The following GIPC2 variants were observed in gnomAD, a reference collection of about 807,000 sequenced individuals.
The protein encoded by GIPC2 is GIPC PDZ domain containing family member 2.
Under a neutral mutation model 30.6 loss-of-function variants are expected in GIPC2, and 30 were observed. The observed-to-expected ratio is 0.98, with a 90% CI of 0.73 to 1.33. GIPC2 has a LOEUF of 1.33. Among genes scored for constraint, GIPC2 ranks in the 40% most tolerant of loss-of-function variants. The probability of loss-of-function intolerance (pLI) is 0.00; values close to 1 mark genes in which losing one functional copy is unlikely to be tolerated. For missense variants in GIPC2, 414 were observed against 390.3 expected (o/e 1.06, Z -0.51); for synonymous variants, 167 against 150.0 (o/e 1.11, Z -0.83).
At chr1:78,115,122 C>T (rs1662544368) in intron 3 of GIPC2, among the ~76,000 whole-genome samples, 1 of 152,172 alleles carries the variant, frequency 6.6e-6, no homozygotes, top group Admixed American at 6.5e-5. Flanking sequence ...TGAAGCCCCA[C>T]ACTCCAGAGG....
At chr1:78,049,893 C>CTT (rs35263483) in intron 1 of GIPC2, among the ~76,000 whole-genome samples, 26,466 of 98,206 alleles carry the variant, frequency 0.27, 3,664 homozygotes, top group East Asian at 0.49. Context: ...AGAAAAACCT[C>CTT]TTTTTTTTTT....
chr1:78,065,661 A>T (rs11162411), intron 1 of GIPC2, among the ~76,000 whole-genome samples: 83,640 of 152,036 alleles, frequency 0.55, 23,553 homozygotes, highest in South Asian at 0.63. Context: ...CTATAGGGCT[A>T]TAGTAACCAA....
In GIPC2 at chr1:78,046,146, G is replaced by C; in HGVS notation, c.52G>C (p.Gly18Arg). 6.5e-7 allele frequency: 1 copy of C among 1,538,720 alleles called. No homozygotes were observed. Among genetic ancestry groups the C allele is most frequent in the Non-Finnish European group, 8.7e-7 (1 of 1,145,522 alleles). The change falls in exon 1 of 6, where the codon GGG becomes CGG. Residue 18 changes from glycine (G) to arginine (R), a missense_variant. Transcript: ENST00000370759. ...GAAGGCCAAGTCCAAGGAGACCGCC[G>C]GGCTGGTGGAGGGCGAGCCGACGGG... is the stretch of plus-strand genomic sequence containing the variant. ...KKKAKSKETAGLVEGEPTGAG... is the reference protein window; with the variant it reads ...KKKAKSKETARLVEGEPTGAG...
At chr1:78,086,056 A>G (rs1661923388) in intron 2 of GIPC2, among the ~76,000 whole-genome samples, 1 of 152,108 alleles carries the variant, frequency 6.6e-6, no homozygotes, top group Non-Finnish European at 1.5e-5. Flanking sequence ...TAATGTGGGC[A>G]TTATAGTGCT....
At chr1:78,093,666 G>A (rs1662084227) in intron 2 of GIPC2, among the ~76,000 whole-genome samples, 1 of 152,152 alleles carries the variant, frequency 6.6e-6, no homozygotes, top group Admixed American at 6.5e-5. Flanking sequence ...TGGACACAAT[G>A]ATCAATCACC....
At chr1:78,120,283 G>C (rs753639907) in intron 4 of GIPC2, among the ~76,000 whole-genome samples, 2 of 152,088 alleles carry the variant, frequency 1.3e-5, no homozygotes, top group Non-Finnish European at 2.9e-5. Flanking sequence ...CAGTCATGCT[G>C]ATCTCCTTGC....
intron 1 of GIPC2, among the ~76,000 whole-genome samples, chr1:78,058,738 T>G (rs987919841): frequency 1.3e-5 from 2 of 152,212 alleles, no homozygotes; most frequent in African/African-American, 4.8e-5. Flanking sequence ...ATCTTGGTGT[T>G]TATTATTCCC....
intron 3 of GIPC2, among the ~76,000 whole-genome samples, chr1:78,114,663 GGAGGAGCTCA>G (rs1662536013): frequency 6.6e-6 from 1 of 152,114 alleles, no homozygotes; most frequent in Non-Finnish European, 1.5e-5. Context: ...GGGATGTATA[GGAGGAGCTCA>G]GAGGATTTTT....
chr1:78,104,940 C>T (rs1030340304), intron 3 of GIPC2, among the ~76,000 whole-genome samples: 3 of 152,142 alleles, frequency 2.0e-5, no homozygotes, highest in Admixed American at 2.0e-4. Context: ...AGAGTTTTTC[C>T]TGGCCTCTTC....
chr1:78,112,497 G>T (rs1000461405), intron 3 of GIPC2: 1 of 518,842 alleles, frequency 1.9e-6, no homozygotes, highest in Non-Finnish European at 3.8e-6. Context: ...TGAAATTATG[G>T]TCTCTGCCCA....
At chr1:78,116,820 G>A (rs809911) in intron 3 of GIPC2, among the ~76,000 whole-genome samples, 25,871 of 152,110 alleles carry the variant, frequency 0.17, 2,547 homozygotes, top group East Asian at 0.49. Context: ...AAACATACAT[G>A]TGCATGTGTC....
chr1:78,084,669 T>C (rs1444162827), intron 2 of GIPC2, among the ~76,000 whole-genome samples: 1 of 152,222 alleles, frequency 6.6e-6, no homozygotes, highest in Non-Finnish European at 1.5e-5. Flanking sequence ...GTTAGCTGTA[T>C]TCCTAGGTAT....
At chr1:78,130,770 G>C (rs1662878633) in intron 5 of GIPC2, among the ~76,000 whole-genome samples, 1 of 152,086 alleles carries the variant, frequency 6.6e-6, no homozygotes, top group Non-Finnish European at 1.5e-5. Flanking sequence ...ATTTAATTCT[G>C]AAACTTTGAT....
At position 78,067,973 on chromosome 1, in the gene GIPC2, C is replaced by T. The variant is rs376990242; in HGVS notation, c.241-12702C>T. Among the ~76,000 whole-genome samples, 11 of 152,192 alleles carry T rather than the reference C, an allele frequency of 7.2e-5. No homozygotes were observed. In the East Asian group the frequency reaches 1.4e-3, roughly 19 times the overall value. On this transcript the variant is annotated intron_variant, in intron 1 of 5. Coordinates refer to ENST00000370759, the MANE Select transcript of GIPC2 (RefSeq NM_017655.6). ...ATGGATTATTTTATAGTAACTAGCCCGGACTCTTCTGATGAGGGCTCTTTC... is the reference window on the plus strand; with the variant it reads ...ATGGATTATTTTATAGTAACTAGCCTGGACTCTTCTGATGAGGGCTCTTTC...
chr1:78,116,433 G>T (rs56688871), intron 3 of GIPC2, among the ~76,000 whole-genome samples: 2,166 of 152,206 alleles, frequency 0.014, 59 homozygotes, highest in African/African-American at 0.05. Context: ...GTATACATGT[G>T]CCATGTTGGT....
intron 2 of GIPC2, among the ~76,000 whole-genome samples, chr1:78,089,433 A>C (rs1661996018): frequency 6.6e-6 from 1 of 152,258 alleles, no homozygotes; most frequent in Admixed American, 6.5e-5. Context: ...TAGTTCTAAC[A>C]ATAAACTATT....
chr1:78,063,936 T>A (rs1030522926), intron 1 of GIPC2, among the ~76,000 whole-genome samples: 1 of 151,968 alleles, frequency 6.6e-6, no homozygotes, highest in Non-Finnish European at 1.5e-5. Context: ...TTCAATTGAT[T>A]GTTTTTGTCT....
At chr1:78,090,543 C>T (rs1031299361) in intron 2 of GIPC2, among the ~76,000 whole-genome samples, 2 of 152,094 alleles carry the variant, frequency 1.3e-5, no homozygotes, top group Admixed American at 6.6e-5. Flanking sequence ...TTATAACATG[C>T]AATTAAGAAA....
intron 1 of GIPC2, among the ~76,000 whole-genome samples, chr1:78,067,899 G>A (rs961445251): frequency 2.0e-5 from 3 of 152,112 alleles, no homozygotes; most frequent in Admixed American, 2.0e-4. Context: ...TTCTGTTATA[G>A]TAACTAACCC....
Sources: gnomAD v4.1 joint callset for allele counts (sites outside exome capture counted in the v4.1 genomes callset) on GRCh38, gnomAD v4.1.1 for gene constraint, MANE v1.5 for transcripts, NCBI Gene and HGNC (gene_info 2026-07-23, HGNC 2026-07-21) for gene names.